Variants in PRKDC observed in about 807,000 individuals in gnomAD.
PRKDC encodes protein kinase, DNA-activated, catalytic subunit.
PRKDC carries 82 observed loss-of-function variants against 486.9 expected under a neutral mutation model. The observed-to-expected ratio is 0.17, with a 90% CI of 0.14 to 0.20. The LOEUF is 0.20. Ranked by LOEUF, PRKDC falls within the 10% of genes least tolerant of loss-of-function variation. The pLI is 1.00. For missense variants in PRKDC, 4,504 were observed against 5,038.2 expected (o/e 0.89, Z 3.21); for synonymous variants, 1,895 against 1,837.0 (o/e 1.03, Z -0.81).
chr8:47,803,503 G>A, intron 69 of PRKDC, 23 bp from the exon 70 acceptor site: 4 of 1,611,220 alleles, frequency 2.5e-6, no homozygotes, highest in Non-Finnish European at 3.4e-6. Context: ...AATAAAAAGA[G>A]AGAAGGTGGT....
At chr8:47,775,971 G>A (rs147164717) in intron 85 of PRKDC, among the ~76,000 whole-genome samples, 12 of 152,026 alleles carry the variant, frequency 7.9e-5, no homozygotes, top group East Asian at 3.9e-4. Flanking sequence ...TTACAGGTGC[G>A]CACCACCATG....
chr8:47,944,124 T>C (rs2154504168), intron 7 of PRKDC, 95 bp from the exon 8 acceptor site: 3 of 1,026,324 alleles, frequency 2.9e-6, no homozygotes, highest in Non-Finnish European at 4.4e-6. Context: ...ACCCCATTAA[T>C]CTCTTGTGAA....
chr8:47,930,420 C>T (rs967324703), intron 17 of PRKDC, among the ~76,000 whole-genome samples: 2 of 152,126 alleles, frequency 1.3e-5, no homozygotes, highest in African/African-American at 4.8e-5. Flanking sequence ...CTACAGGCGC[C>T]TGACACTATG....
chr8:47,874,014 T>G (rs1589757537), intron 40 of PRKDC, among the ~76,000 whole-genome samples: 1 of 140,256 alleles, frequency 7.1e-6, no homozygotes. Context: ...TGAGACGGAG[T>G]CTCGCTCAGT....
At chr8:47,848,243 C>A (rs1312712095) in intron 54 of PRKDC, among the ~76,000 whole-genome samples, 1 of 152,108 alleles carries the variant, frequency 6.6e-6, no homozygotes, top group Non-Finnish European at 1.5e-5. Context: ...AACCCAGGTG[C>A]CCATCAATGG....
Position 47,782,890 on chromosome 8 carries a change from C to A in PRKDC, c.11176-292G>T. The A allele has an allele frequency of 2.2e-6, 1 of 456,632 alleles. No homozygotes were observed. The highest frequency in any genetic ancestry group is 2.7e-5 in the South Asian group (1 of 37,082). The allele number at this position is 456,632 out of a possible 1,614,324, so 28.3% of individuals were successfully genotyped here. The stretch of plus-strand genomic sequence containing the variant: ...TCTACAGTAGTAAGCTAATGCTACA[C>A]ATATTTTATAGTGGATACTCACACA... On this transcript the variant is annotated intron_variant, in intron 78 of 85. Transcript: ENST00000314191. This position sits in a 1 kb window ranked among gnomAD's most constrained non-coding sequence, Gnocchi z 4.9.
chr8:47,905,300 A>AT (rs2089758381), intron 25 of PRKDC, among the ~76,000 whole-genome samples: 1 of 152,072 alleles, frequency 6.6e-6, no homozygotes, highest in Non-Finnish European at 1.5e-5. Flanking sequence ...ACGTGCAGGG[A>AT]TTACAGGTAT....
chr8:47,905,467 C>A (rs950951602), intron 25 of PRKDC, among the ~76,000 whole-genome samples: 3 of 152,162 alleles, frequency 2.0e-5, no homozygotes, highest in South Asian at 2.1e-4. Context: ...CATCTTTATT[C>A]ATTTGATCTT....
At chr8:47,898,144 T>G (rs8178085) in intron 29 of PRKDC, among the ~76,000 whole-genome samples, 3,557 of 152,334 alleles carry the variant, frequency 0.023, 107 homozygotes, top group East Asian at 0.084. Context: ...TAATGGTTCA[T>G]GCATATTCTA....
intron 40 of PRKDC, among the ~76,000 whole-genome samples, chr8:47,875,322 T>C (rs185424532): frequency 4.9e-4 from 74 of 152,360 alleles, no homozygotes; most frequent in Middle Eastern, 6.8e-3. Context: ...ATTCTTAGTT[T>C]TGACAAACTG....
rs754361620 is a variant in PRKDC at position 47,879,645 on chromosome 8, G to A, written c.5081C>T (p.Thr1694Ile). 3.2e-6 allele frequency: 5 copies of A among 1,579,622 alleles called. No homozygotes were observed. Among genetic ancestry groups the A allele is most frequent in the South Asian group, 1.2e-5 (1 of 82,848 alleles). The part of the protein sequence containing the change: ...LDLHLKGQAV[T>I]LLPFFTSLTG... ...GAGGCTGGTGAAGAATGGAAGAAGAGTGACAGCTTGGCCCTGTGGAGCAAG... is the reference window on the plus strand; with the variant it reads ...GAGGCTGGTGAAGAATGGAAGAAGAATGACAGCTTGGCCCTGTGGAGCAAG... Residue 1694 changes from threonine (T) to isoleucine (I), a missense_variant, in exon 39 of 86, where the codon ACT becomes ATT. This residue lies in a region of PRKDC where 1,969 missense variants were observed against 2,068.9 expected (regional missense o/e 0.95). Coordinates refer to ENST00000314191, the MANE Select transcript of PRKDC (RefSeq NM_006904.7).
chr8:47,835,459 T>G (rs551800856), intron 58 of PRKDC, among the ~76,000 whole-genome samples: 1 of 151,250 alleles, frequency 6.6e-6, no homozygotes, highest in Non-Finnish European at 1.5e-5. Context: ...TCTACTAAAA[T>G]ACAAAAATTT....
intron 76 of PRKDC, among the ~76,000 whole-genome samples, chr8:47,786,799 G>A (rs537759408): frequency 2.4e-4 from 30 of 123,886 alleles, no homozygotes; most frequent in African/African-American, 9.1e-4. Flanking sequence ...GTGCGATCTC[G>A]GCTCACTGCA....
chr8:47,867,424 C>T (rs2088843226), intron 40 of PRKDC, among the ~76,000 whole-genome samples: 1 of 152,186 alleles, frequency 6.6e-6, no homozygotes, highest in Non-Finnish European at 1.5e-5. Flanking sequence ...GTAATAACCA[C>T]ACATCAAGAA....
chr8:47,801,765 C>G (rs930596496), intron 70 of PRKDC, among the ~76,000 whole-genome samples: 1 of 152,128 alleles, frequency 6.6e-6, no homozygotes, highest in Admixed American at 6.5e-5. Context: ...GTAACTGAAC[C>G]AGCGCTGGCT....
intron 80 of PRKDC, among the ~76,000 whole-genome samples, chr8:47,779,778 CG>C (rs2086667696): frequency 6.6e-6 from 1 of 151,914 alleles, no homozygotes; most frequent in South Asian, 2.1e-4. Flanking sequence ...TTAGTAGAGA[CG>C]GGGTTTCACC....
At chr8:47,927,125 TCCTA>T in intron 21 of PRKDC, 65 bp downstream of exon 21, 1 of 1,455,224 alleles carries the variant, frequency 6.9e-7, no homozygotes, top group Non-Finnish European at 9.4e-7. Flanking sequence ...AAAAATACAG[TCCTA>T]CCTATTATAG....
At chr8:47,775,766 T>G (rs1352260750) in intron 85 of PRKDC, among the ~76,000 whole-genome samples, 1 of 151,766 alleles carries the variant, frequency 6.6e-6, no homozygotes, top group East Asian at 1.9e-4. Flanking sequence ...GTGTCATACC[T>G]AAAAAATGGC....
intron 46 of PRKDC, 55 bp downstream of exon 46, chr8:47,859,555 AC>A (rs1479097031): frequency 1.3e-6 from 2 of 1,572,904 alleles, no homozygotes; most frequent in African/African-American, 2.7e-5. Context: ...CATAGCTGTG[AC>A]CCCCTTTCTT....
Sources: allele counts gnomAD v4.1 joint callset (sites outside exome capture counted in the v4.1 genomes callset), GRCh38; gene constraint gnomAD v4.1.1; regional missense constraint gnomAD v4.1.1; non-coding constraint Gnocchi (gnomAD v3.1); transcripts MANE v1.5; gene names NCBI Gene and HGNC (gene_info 2026-07-23, HGNC 2026-07-21).